The following SOX6 variants were observed in gnomAD, a reference collection of about 807,000 sequenced individuals.
SOX6 encodes the protein SRY-box transcription factor 6.
A neutral mutation model predicts 97.8 loss-of-function variants in SOX6; 11 were observed. The observed-to-expected ratio is 0.11, with a 90% CI of 0.07 to 0.19. The LOEUF (loss-of-function observed/expected upper bound fraction) is 0.19. SOX6 is among the 10% of genes least tolerant of loss of function. The pLI is 1.00. For missense variants in SOX6, 810 were observed against 1,039.5 expected, an observed-to-expected ratio of 0.78 and a Z score of 3.04; for synonymous variants, 360 against 371.4, an observed-to-expected ratio of 0.97 and a Z score of 0.35.
At chr11:16,522,602 A>G (rs1436629460) in intron 4 of SOX6, among the ~76,000 whole-genome samples, 1 of 152,158 alleles carries the variant, frequency 6.6e-6, no homozygotes, top group East Asian at 1.9e-4. Context: ...CTAACATCAT[A>G]ATGACACGAT....
At chr11:15,974,243 C>T (rs1342537326) in intron 15 of SOX6, among the ~76,000 whole-genome samples, 1 of 152,062 alleles carries the variant, frequency 6.6e-6, no homozygotes, top group Non-Finnish European at 1.5e-5. Context: ...ATCACTTGGA[C>T]AATTCTTACT....
At chr11:16,215,515 T>C (rs2134148918) in intron 4 of SOX6, among the ~76,000 whole-genome samples, 1 of 152,308 alleles carries the variant, frequency 6.6e-6, no homozygotes, top group East Asian at 1.9e-4. Context: ...TTTCCAAAGC[T>C]TATATTCTAT....
chr11:16,258,548 G>A (rs1853766135), intron 3 of SOX6, among the ~76,000 whole-genome samples: 1 of 151,936 alleles, frequency 6.6e-6, no homozygotes, highest in Non-Finnish European at 1.5e-5. Flanking sequence ...GGTTGCCAGG[G>A]ATTGGGGGAG....
chr11:16,174,861 A>G (rs1851142697), intron 6 of SOX6, among the ~76,000 whole-genome samples: 1 of 152,052 alleles, frequency 6.6e-6, no homozygotes, highest in South Asian at 2.1e-4. Flanking sequence ...CACAAGCACT[A>G]TGAATCTAAT....
intron 7 of SOX6, among the ~76,000 whole-genome samples, chr11:16,108,789 C>T (rs1027431860): frequency 6.6e-6 from 1 of 152,240 alleles, no homozygotes. Context: ...GTTTACTACA[C>T]GCTGGGACTC....
chr11:16,631,526 T>C (rs1420273491), intron 3 of SOX6, among the ~76,000 whole-genome samples: 5 of 152,206 alleles, frequency 3.3e-5, no homozygotes, highest in African/African-American at 1.2e-4. Context: ...TCTTTAGCAT[T>C]GACCTTGGAC....
rs577431077 is a variant in SOX6 at position 15,988,002 on chromosome 11, A to G, written c.1966+995T>C. On this transcript the variant is annotated intron_variant, in intron 14 of 15. Transcript: ENST00000683767. ...TAAATTATTTATACAGTGACAAAAC[A>G]TGTGTATCTGTGCATGTCCAGATCA... 3.3e-5 allele frequency among the ~76,000 whole-genome samples: 5 copies of G among 152,322 alleles called. No individual in the cohort carries two copies. In the East Asian group the frequency reaches 9.7e-4, roughly 29 times the overall value.
At chr11:16,637,928 T>A (rs1306142772) in intron 3 of SOX6, among the ~76,000 whole-genome samples, 4 of 151,916 alleles carry the variant, frequency 2.6e-5, no homozygotes, top group Admixed American at 6.6e-5. Flanking sequence ...TTTTTTTTTT[T>A]ATACTTTAAG....
chr11:16,269,478 T>C (rs139613023), intron 3 of SOX6, among the ~76,000 whole-genome samples: 3,197 of 150,864 alleles, frequency 0.021, 45 homozygotes, highest in Non-Finnish European at 0.035. Context: ...ATGTGTTACA[T>C]TTATAAATTA....
intron 4 of SOX6, among the ~76,000 whole-genome samples, chr11:16,565,064 G>C (rs1312208630): frequency 6.6e-6 from 1 of 152,054 alleles, no homozygotes; most frequent in East Asian, 1.9e-4. Context: ...CCCCTATCAA[G>C]ACTGACAAAG....
chr11:16,602,771 C>T (rs578187529), intron 4 of SOX6, among the ~76,000 whole-genome samples: 2 of 152,140 alleles, frequency 1.3e-5, no homozygotes, highest in African/African-American at 4.8e-5. Context: ...CCTGTAATCC[C>T]AGCACTTTGG....
In SOX6 at chr11:16,599,475, A is replaced by C. The variant is rs567974703; in HGVS notation, n.609+12606T>G. On this transcript the variant is annotated intron_variant and non_coding_transcript_variant, in intron 4 of 5. Transcript: ENST00000524520. ...ATTAACTCAGTTATTGACAAATAAAATCAAACGTCCCTCTATAAATGGAAA... is the reference window on the plus strand; with the variant it reads ...ATTAACTCAGTTATTGACAAATAAACTCAAACGTCCCTCTATAAATGGAAA... Among the ~76,000 whole-genome samples, 126 of 152,318 alleles carry C rather than the reference A, an allele frequency of 8.3e-4. 1 individual carries two copies. The South Asian group carries it at 0.026, about 31-fold the overall frequency.
chr11:16,732,632 C>T (rs559211728), intron 2 of SOX6, among the ~76,000 whole-genome samples: 5 of 152,248 alleles, frequency 3.3e-5, no homozygotes, highest in Admixed American at 6.5e-5. Flanking sequence ...ACCATAAAAA[C>T]CCTAGATGAA....
intron 1 of SOX6, among the ~76,000 whole-genome samples, chr11:16,390,858 T>C (rs1403053771): frequency 1.3e-5 from 2 of 152,170 alleles, no homozygotes; most frequent in African/African-American, 4.8e-5. Context: ...ACCCAAAGGA[T>C]TATAAATCAT....
chr11:16,324,490 T>C (rs1033772074), intron 2 of SOX6, among the ~76,000 whole-genome samples: 7 of 152,168 alleles, frequency 4.6e-5, no homozygotes, highest in Non-Finnish European at 8.8e-5. Context: ...AAAATCATAG[T>C]CTTGCAGAAA....
At chr11:16,700,407 A>C (rs1848084247) in intron 3 of SOX6, among the ~76,000 whole-genome samples, 1 of 152,182 alleles carries the variant, frequency 6.6e-6, no homozygotes, top group African/African-American at 2.4e-5. Flanking sequence ...GGTCATGTGA[A>C]GAATTTTGTC....
chr11:16,662,847 T>C (rs1309120774), intron 3 of SOX6, among the ~76,000 whole-genome samples: 1 of 152,108 alleles, frequency 6.6e-6, no homozygotes, highest in Non-Finnish European at 1.5e-5. Context: ...GCACTTGCCA[T>C]CACGCCTGGC....
At chr11:16,179,404 A>G (rs1172810188) in intron 6 of SOX6, among the ~76,000 whole-genome samples, 1 of 151,966 alleles carries the variant, frequency 6.6e-6, no homozygotes, top group African/African-American at 2.4e-5. Context: ...CTGTATATGA[A>G]AGATAATCAT....
intron 2 of SOX6, among the ~76,000 whole-genome samples, chr11:16,322,110 A>G (rs961728950): frequency 6.6e-6 from 1 of 152,144 alleles, no homozygotes; most frequent in Non-Finnish European, 1.5e-5. Context: ...TTATTTTGTA[A>G]TTTCTTAAGA....
Sources: allele counts gnomAD v4.1 joint callset (sites outside exome capture counted in the v4.1 genomes callset), GRCh38; gene constraint gnomAD v4.1.1; transcripts MANE v1.5; gene names NCBI Gene and HGNC (gene_info 2026-07-23, HGNC 2026-07-21).